DNAH3: variants seen among roughly 807,000 people sequenced by gnomAD.
DNAH3 encodes dynein axonemal heavy chain 3.
DNAH3 carries 332 observed loss-of-function variants against 432.5 expected under a neutral mutation model. The ratio of observed to expected loss-of-function variants is 0.77; its 90% CI spans 0.70 to 0.84. The LOEUF (loss-of-function observed/expected upper bound fraction) is 0.84, where lower values mean the gene tolerates loss of function less well. Ranked by LOEUF, DNAH3 falls within the 40% of genes least tolerant of loss-of-function variation. The probability of loss-of-function intolerance (pLI) is 0.00; values close to 1 mark genes in which losing one functional copy is unlikely to be tolerated. For synonymous variants in DNAH3, 1,956 were observed against 1,900.2 expected (o/e 1.03, Z -0.76); for missense variants, 4,861 against 5,114.0 (o/e 0.95, Z 1.51).
exon 6 of DNAH3, chr16:21,136,453 C>T (rs753640121): frequency 1.2e-6 from 2 of 1,614,184 alleles, no homozygotes; most frequent in Admixed American, 3.3e-5. Context: ...ACCATCACTT[C>T]ACCCTCCTCA....
chr16:21,019,596 A>T (rs772553622), intron 41 of DNAH3, 28 bp downstream of exon 41: 4 of 1,612,798 alleles, frequency 2.5e-6, no homozygotes, highest in Non-Finnish European at 3.4e-6. Flanking sequence ...CTATTATACT[A>T]GAACATAACA....
rs915642051 is a variant in DNAH3 at position 20,988,050 on chromosome 16, T to C, written c.6617A>G (p.His2206Arg). The change falls in exon 45 of 62, where the codon CAT becomes CGT. Residue 2206 changes from histidine (H) to arginine (R), a missense_variant. His to Arg is a conservative substitution (Grantham distance 29, BLOSUM62 0). Transcript: ENST00000261383. ...GGCATTGATGGAAATGATATTCAGA[T>C]GGCGAGTGAATCGTCCTGGGGAATA... is the stretch of plus-strand genomic sequence containing the variant. The C allele has an allele frequency of 4.3e-6, 7 of 1,614,038 alleles. 1 individual carries two copies. The highest frequency in any genetic ancestry group is 1.6e-4 in the Middle Eastern group (1 of 6,084).
chr16:21,157,452 C>T (rs1597510196), intron 1 of DNAH3, among the ~76,000 whole-genome samples: 1 of 151,566 alleles, frequency 6.6e-6, no homozygotes, highest in Non-Finnish European at 1.5e-5. Context: ...GCCTCAGCCT[C>T]CCGAGTAGCT....
chr16:21,157,461 C>A (rs1245384869), intron 1 of DNAH3, among the ~76,000 whole-genome samples: 1 of 151,250 alleles, frequency 6.6e-6, no homozygotes, highest in Non-Finnish European at 1.5e-5. Context: ...TCCCGAGTAG[C>A]TGGGATTACA....
In DNAH3 at chr16:21,121,924, ATGAT is replaced by A; in HGVS notation, c.1584+17_1584+20del. 1 of 1,568,308 alleles carries A rather than the reference ATGAT, an allele frequency of 6.4e-7. No individual in the cohort carries two copies. The highest frequency in any genetic ancestry group is 8.6e-7 in the Non-Finnish European group (1 of 1,157,124). ...CTAAGTGAAAAAATCATGCAAATGA[ATGAT>A]TAAGTGACTACTATACCTTGGGGAT... is the stretch of plus-strand genomic sequence containing the variant. On this transcript the variant is annotated intron_variant, in intron 10 of 61. Coordinates refer to ENST00000261383, the Ensembl canonical transcript of DNAH3.
intron 1 of DNAH3, among the ~76,000 whole-genome samples, chr16:21,154,392 G>A (rs1882707): frequency 0.19 from 28,147 of 144,778 alleles, 2,747 homozygotes; most frequent in South Asian, 0.27. Context: ...GTGACACAGC[G>A]AGACTCTGTC....
chr16:20,997,525 G>A, intron 43 of DNAH3, 63 bp from the exon 44 acceptor site: 1 of 1,555,680 alleles, frequency 6.4e-7, no homozygotes, highest in Non-Finnish European at 8.8e-7. Context: ...TCTTACAGAG[G>A]TAACAGATGG....
intron 1 of DNAH3, among the ~76,000 whole-genome samples, chr16:21,153,658 C>T (rs146514474): frequency 1.4e-3 from 219 of 152,276 alleles, no homozygotes; most frequent in Admixed American, 3.1e-3. Flanking sequence ...CAGCTTCACT[C>T]CTGCGCCAGC....
rs561310734 is a variant in DNAH3, at chr16:21,049,920, A to C, written c.4337T>G (p.Leu1446Trp). ...ATGGCATTTGCTTACCTGCTTAGCC[A>C]AGGCTTTGGCCAAATCTTTGGTGGT... is the stretch of plus-strand genomic sequence containing the variant. Residue 1446 changes from leucine (L) to tryptophan (W), a missense_variant, in exon 30 of 62, where the codon TTG becomes TGG. Coordinates refer to ENST00000261383, the Ensembl canonical transcript of DNAH3. 3 of 1,614,086 alleles carry C rather than the reference A, an allele frequency of 1.9e-6. No homozygotes were observed. In the South Asian group the frequency reaches 3.3e-5, roughly 18 times the overall value.
exon 52 of DNAH3, chr16:20,969,906 T>C: frequency 6.2e-7 from 1 of 1,614,172 alleles, no homozygotes; most frequent in African/African-American, 1.3e-5. Flanking sequence ...ACCAGCGAGA[T>C]GTCGGCCGGG....
chr16:21,003,636 A>G (rs1227746471), intron 41 of DNAH3, among the ~76,000 whole-genome samples: 2 of 152,010 alleles, frequency 1.3e-5, no homozygotes, highest in African/African-American at 4.8e-5. Flanking sequence ...TTTGCTGGGC[A>G]TGGTGGCACG....
chr16:20,969,270 C>CTG (rs71151607), intron 52 of DNAH3, among the ~76,000 whole-genome samples: 10,842 of 151,234 alleles, frequency 0.072, 521 homozygotes, highest in East Asian at 0.17. Context: ...GTGCATGTCT[C>CTG]TGTGTGCATG....
Position 21,068,331 on chromosome 16 carries a change from G to C in DNAH3, c.3382-912C>G, listed in dbSNP as rs372389127. Among the ~76,000 whole-genome samples the C allele has an allele frequency of 7.5e-5, 10 of 133,044 alleles. 1 individual carries two copies. Among genetic ancestry groups the C allele is most frequent in the African/African-American group, 1.6e-4 (6 of 36,922 alleles). The allele number at this position is 133,044 out of a possible 152,430, so 87.3% of individuals were successfully genotyped here. On this transcript the variant is annotated intron_variant, in intron 23 of 61. Transcript: ENST00000261383. ...TATATTACTTTTTTTTGGGTGGGGG[G>C]GGGGACAGAGTCTCGCTCTGTTGCC...
chr16:21,097,334 C>T (rs2091711326), intron 18 of DNAH3, 21 bp downstream of exon 18: 1 of 1,612,796 alleles, frequency 6.2e-7, no homozygotes, highest in African/African-American at 1.3e-5. Flanking sequence ...TCTGTCCCAG[C>T]AGAGTGAGAT....
At chr16:20,982,068 A>T (rs924023041) in intron 49 of DNAH3, among the ~76,000 whole-genome samples, 3 of 150,366 alleles carry the variant, frequency 2.0e-5, no homozygotes, top group African/African-American at 4.9e-5. Flanking sequence ...TATACATAAA[A>T]GAGTAAATTT....
intron 44 of DNAH3, among the ~76,000 whole-genome samples, chr16:20,991,320 C>G (rs1597081286): frequency 6.6e-6 from 1 of 151,834 alleles, no homozygotes; most frequent in African/African-American, 2.4e-5. Context: ...GTCTAGAGTG[C>G]AGTGGCACGA....
chr16:21,140,803 C>G, intron 4 of DNAH3, 93 bp from the exon 6 acceptor site: 1 of 1,180,480 alleles, frequency 8.5e-7, no homozygotes, highest in Non-Finnish European at 1.2e-6. Flanking sequence ...GAGTGTGGTT[C>G]TGCAAATAGA....
chr16:20,976,933 A>C (rs977195476), intron 50 of DNAH3, among the ~76,000 whole-genome samples: 1 of 152,236 alleles, frequency 6.6e-6, no homozygotes, highest in Non-Finnish European at 1.5e-5. Flanking sequence ...CCAGTTTGGG[A>C]TATTTTGCTA....
At chr16:20,973,226 C>G (rs1463920345) in intron 51 of DNAH3, among the ~76,000 whole-genome samples, 1 of 152,056 alleles carries the variant, frequency 6.6e-6, no homozygotes, top group Admixed American at 6.6e-5. Flanking sequence ...TCAATGCTGT[C>G]AACTCTCATA....
Sources: allele counts gnomAD v4.1 joint callset (sites outside exome capture counted in the v4.1 genomes callset), GRCh38; gene constraint gnomAD v4.1.1; transcripts MANE v1.5; gene names NCBI Gene and HGNC (gene_info 2026-07-23, HGNC 2026-07-21).